GALNT8: variants seen among roughly 807,000 people sequenced by gnomAD.
GALNT8 encodes the protein probable polypeptide N-acetylgalactosaminyltransferase 8.
A neutral mutation model predicts 62.7 loss-of-function variants in GALNT8; 66 were observed. The observed-to-expected ratio is 1.05, with a 90% confidence interval of 0.86 to 1.29. The LOEUF (loss-of-function observed/expected upper bound fraction) is 1.29. Ranked by LOEUF, GALNT8 falls within the 50% of genes most tolerant of loss-of-function variation. The probability of loss-of-function intolerance (pLI) is 0.00; values close to 1 mark genes in which losing one functional copy is unlikely to be tolerated. For missense variants in GALNT8, 771 were observed against 791.8 expected, an observed-to-expected ratio of 0.97 and a Z score of 0.32; for synonymous variants, 288 against 294.3, an observed-to-expected ratio of 0.98 and a Z score of 0.22.
rs868404754 is a variant in GALNT8 at position 4,749,945 on chromosome 12, G to A, written c.1173+3687G>A. Among the ~76,000 whole-genome samples the A allele has an allele frequency of 6.6e-6, 1 of 151,998 alleles. No individual in the cohort carries two copies. Among genetic ancestry groups the A allele is most frequent in the Non-Finnish European group, 1.5e-5 (1 of 67,988 alleles). ...CCATTTCTTCTAGATTTTCCAACTT[G>A]TTGGCATACAGTTGCTTATAGGAGC... On this transcript the variant is annotated intron_variant, in intron 6 of 10. Transcript: ENST00000252318. The surrounding 1 kb of genome is among the most constrained non-coding windows in gnomAD (Gnocchi z 4.1).
rs187433578 is a variant in GALNT8, at chr12:4,720,837, G to A, written c.160G>A (p.Gly54Arg). The change falls in exon 1 of 11, where the codon GGG becomes AGG. Residue 54 changes from glycine to arginine, a missense_variant. Coordinates refer to ENST00000252318, the MANE Select transcript of GALNT8 (RefSeq NM_017417.2). ...TCCTTTACATCTGAATAAACGCTAC[G>A]GGGCAGTGATAAAGAGACTCTCCCA... ...ELPLHLNKRY[G>R]AVIKRLSHLE... The A allele has an allele frequency of 5.1e-5, 82 of 1,611,164 alleles. No individual in the cohort carries two copies. The highest frequency in any genetic ancestry group is 3.1e-4 in the East Asian group (14 of 44,864).
chr12:4,724,597 A>G (rs1034449509), intron 1 of GALNT8, among the ~76,000 whole-genome samples: 1 of 152,218 alleles, frequency 6.6e-6, no homozygotes, highest in Non-Finnish European at 1.5e-5. Flanking sequence ...AAGTATGAAT[A>G]ACCATAGTGT....
intron 6 of GALNT8, among the ~76,000 whole-genome samples, chr12:4,758,578 T>C (rs1292105179): frequency 1.3e-5 from 2 of 150,656 alleles, no homozygotes; most frequent in African/African-American, 2.5e-5. Flanking sequence ...CAAAGTAATA[T>C]ATTATTATCA....
intron 6 of GALNT8, among the ~76,000 whole-genome samples, chr12:4,758,272 A>G (rs952042320): frequency 1.3e-5 from 2 of 152,012 alleles, no homozygotes; most frequent in Admixed American, 1.3e-4. Flanking sequence ...AGCTGCATGG[A>G]GTGCTTTATT....
At chr12:4,759,686 A>G (rs1466365916) in intron 6 of GALNT8, among the ~76,000 whole-genome samples, 1 of 152,230 alleles carries the variant, frequency 6.6e-6, no homozygotes, top group East Asian at 1.9e-4. Context: ...GACACTCTTG[A>G]TAAGTTAACT....
chr12:4,771,760 A>G (rs1366540562), intron 10 of GALNT8, among the ~76,000 whole-genome samples: 2 of 152,116 alleles, frequency 1.3e-5, no homozygotes, highest in Admixed American at 1.3e-4. Flanking sequence ...AGAGGGCAGG[A>G]CCAGGAGAGA....
chr12:4,770,518 G>A (rs1489229987), intron 10 of GALNT8, among the ~76,000 whole-genome samples: 1 of 151,896 alleles, frequency 6.6e-6, no homozygotes, highest in Non-Finnish European at 1.5e-5. Context: ...AATTTATTGT[G>A]ACCAATAATA....
At chr12:4,736,838 G>A (rs764306118) in intron 2 of GALNT8, among the ~76,000 whole-genome samples, 14 of 152,166 alleles carry the variant, frequency 9.2e-5, no homozygotes, top group South Asian at 4.2e-4. Context: ...GTAATAACTC[G>A]TGCACAAGAG....
chr12:4,739,133 A>G, intron 2 of GALNT8, 30 bp from the exon 3 acceptor site: 1 of 1,464,604 alleles, frequency 6.8e-7, no homozygotes, highest in Non-Finnish European at 9.4e-7. Context: ...TTAAAAAAAA[A>G]TAATATGTTA....
At chr12:4,767,066 C>G (rs941650765) in intron 10 of GALNT8, among the ~76,000 whole-genome samples, 3 of 152,024 alleles carry the variant, frequency 2.0e-5, no homozygotes, top group Non-Finnish European at 4.4e-5. Context: ...TCCAGGTTCC[C>G]TCTGACCTTA....
chr12:4,745,993 T>C, intron 5 of GALNT8, 151 bp from the exon 6 acceptor site: 2 of 616,574 alleles, frequency 3.2e-6, no homozygotes, highest in East Asian at 2.7e-5. Context: ...GAAAGCTACA[T>C]GCACTTAGTC....
chr12:4,729,263 A>G (rs192956170), intron 2 of GALNT8, among the ~76,000 whole-genome samples: 30 of 152,334 alleles, frequency 2.0e-4, no homozygotes, highest in African/African-American at 4.6e-4. Context: ...TTACCTCACA[A>G]TTATTTTCAG....
chr12:4,765,300 C>T (rs1946393993), intron 9 of GALNT8, 79 bp from the exon 10 acceptor site: 2 of 1,325,748 alleles, frequency 1.5e-6, no homozygotes, highest in Non-Finnish European at 2.0e-6. Context: ...TTCCTGCTGT[C>T]CCTCGGGCTA....
chr12:4,724,484 G>T (rs1946185622), intron 1 of GALNT8, among the ~76,000 whole-genome samples: 1 of 152,342 alleles, frequency 6.6e-6, no homozygotes, highest in East Asian at 1.9e-4. Context: ...ATAGCCATGA[G>T]TGAAAGAGAA....
chr12:4,738,173 A>T (rs1946254483), intron 2 of GALNT8, among the ~76,000 whole-genome samples: 1 of 152,240 alleles, frequency 6.6e-6, no homozygotes, highest in South Asian at 2.1e-4. Context: ...GTAATGGGAG[A>T]GAGAATAGTC....
chr12:4,740,367 A>G (rs1946266730), intron 3 of GALNT8, among the ~76,000 whole-genome samples: 1 of 152,206 alleles, frequency 6.6e-6, no homozygotes, highest in Admixed American at 6.5e-5. Flanking sequence ...AGTGAGAATT[A>G]AATGAGATCA....
chr12:4,766,436 G>T (rs1409493240), intron 10 of GALNT8, among the ~76,000 whole-genome samples: 1 of 152,190 alleles, frequency 6.6e-6, no homozygotes, highest in Non-Finnish European at 1.5e-5. Context: ...TGGAGCAGAA[G>T]AGTGTTCAAT....
chr12:4,741,603 C>G (rs117366979), intron 3 of GALNT8, among the ~76,000 whole-genome samples: 1 of 151,622 alleles, frequency 6.6e-6, no homozygotes, highest in East Asian at 1.9e-4. Context: ...CAATACTATA[C>G]TCTATGGCCT....
chr12:4,730,705 G>A (rs1020340733), intron 2 of GALNT8, among the ~76,000 whole-genome samples: 1 of 151,878 alleles, frequency 6.6e-6, no homozygotes, highest in African/African-American at 2.4e-5. Context: ...GATAATTTAT[G>A]GTTCCATTTA....
Sources: allele counts gnomAD v4.1 joint callset (sites outside exome capture counted in the v4.1 genomes callset), GRCh38; gene constraint gnomAD v4.1.1; non-coding constraint Gnocchi (gnomAD v3.1); transcripts MANE v1.5; gene names NCBI Gene and HGNC (gene_info 2026-07-23, HGNC 2026-07-21).